GTF2IRD1: variants seen among roughly 807,000 people sequenced by gnomAD.
GTF2IRD1 encodes GTF2I repeat domain containing 1, also known as general transcription factor II-I repeat domain-containing protein 1.
In GTF2IRD1, 26 loss-of-function variants were observed where a neutral mutation model predicts 113.2. The ratio of observed to expected loss-of-function variants is 0.23; its 90% CI spans 0.17 to 0.32. The LOEUF (loss-of-function observed/expected upper bound fraction) is 0.32, where lower values mean the gene tolerates loss of function less well. Ranked by LOEUF, GTF2IRD1 falls within the 10% of genes least tolerant of loss-of-function variation. The probability of loss-of-function intolerance (pLI) is 1.00; values close to 1 mark genes in which losing one functional copy is unlikely to be tolerated. For missense variants in GTF2IRD1, 864 were observed against 1,280.8 expected, an observed-to-expected ratio of 0.67 and a Z score of 4.97; for synonymous variants, 484 against 529.1, an observed-to-expected ratio of 0.91 and a Z score of 1.17.
chr7:74,470,810 G>GT (rs1237011155), intron 1 of GTF2IRD1, among the ~76,000 whole-genome samples: 21 of 149,188 alleles, frequency 1.4e-4, no homozygotes, highest in South Asian at 4.3e-4. Flanking sequence ...CATATGTGGG[G>GT]TTTTTTTTTT....
intron 1 of GTF2IRD1, among the ~76,000 whole-genome samples, chr7:74,468,998 T>A (rs1554331697): frequency 6.7e-6 from 1 of 149,570 alleles, no homozygotes; most frequent in Non-Finnish European, 1.5e-5. Context: ...GGCAGGAGAA[T>A]GACGTGAACC....
At chr7:74,456,223 T>C (rs1424245543) in intron 1 of GTF2IRD1, among the ~76,000 whole-genome samples, 3 of 152,026 alleles carry the variant, frequency 2.0e-5, no homozygotes, top group African/African-American at 7.2e-5. Flanking sequence ...CCATCCACGG[T>C]TTGGTGACAG....
At chr7:74,569,247 C>T (rs587770687) in intron 22 of GTF2IRD1, among the ~76,000 whole-genome samples, 6 of 152,342 alleles carry the variant, frequency 3.9e-5, no homozygotes, top group South Asian at 2.1e-4. Context: ...CCTCCCATCC[C>T]GCACGTCCAC....
chr7:74,544,844 C>A lies in GTF2IRD1; in HGVS notation c.1666+42C>A, dbSNP rs782674982. The A allele has an allele frequency of 1.2e-5, 18 of 1,530,308 alleles. 1 individual carries two copies. The highest frequency in any genetic ancestry group is 6.8e-5 in the African/African-American group (5 of 73,386). 94.8% of individuals were successfully genotyped at this position (1,530,308 alleles called of 1,614,324 possible). A position where few individuals can be genotyped will look rare whatever the true frequency, so the allele number is the denominator to read the frequency against. On this transcript the variant is annotated intron_variant, in intron 15 of 26. Coordinates refer to ENST00000424337, the MANE Select transcript of GTF2IRD1 (RefSeq NM_005685.4). ...CCCTGACATTTTACACCCACCCCCA[C>A]CCCATCTCTCTTCCCCTGCCGCCCA...
intron 1 of GTF2IRD1, among the ~76,000 whole-genome samples, chr7:74,496,651 G>GGT (rs564432763): frequency 1.3e-5 from 2 of 149,768 alleles, no homozygotes; most frequent in South Asian, 4.2e-4. Flanking sequence ...TGTGCGTGTG[G>GGT]GTGTGTGTGT....
intron 1 of GTF2IRD1, among the ~76,000 whole-genome samples, chr7:74,500,967 G>A (rs560914970): frequency 6.6e-6 from 1 of 152,116 alleles, no homozygotes; most frequent in East Asian, 1.9e-4. Context: ...ATGTATGTAT[G>A]TATTTATTCT....
intron 2 of GTF2IRD1, among the ~76,000 whole-genome samples, chr7:74,509,289 G>A (rs2130043697): frequency 6.6e-6 from 1 of 152,138 alleles, no homozygotes; most frequent in African/African-American, 2.4e-5. Context: ...CCCTGGAAGT[G>A]GAGGTTGCAG....
At chr7:74,534,667 C>A (rs797042322) in intron 9 of GTF2IRD1, among the ~76,000 whole-genome samples, 2 of 151,978 alleles carry the variant, frequency 1.3e-5, no homozygotes, top group East Asian at 3.9e-4. Context: ...CTGCTGAGAT[C>A]GCGCCACTGC....
chr7:74,576,916 C>T (rs782064394), intron 22 of GTF2IRD1, among the ~76,000 whole-genome samples: 9 of 151,960 alleles, frequency 5.9e-5, no homozygotes, highest in Non-Finnish European at 7.4e-5. Context: ...CCACTGAGCA[C>T]GGCCCCCTGT....
intron 1 of GTF2IRD1, among the ~76,000 whole-genome samples, chr7:74,472,137 C>T (rs1326771358): frequency 4.6e-5 from 7 of 152,208 alleles, no homozygotes; most frequent in African/African-American, 1.7e-4. Flanking sequence ...ACTTGGAGTT[C>T]ACCATCTCAT....
chr7:74,591,373 TC>T (rs1442399547), intron 24 of GTF2IRD1, among the ~76,000 whole-genome samples: 4 of 147,236 alleles, frequency 2.7e-5, no homozygotes, highest in Non-Finnish European at 3.0e-5. Flanking sequence ...TCAGTGATTC[TC>T]TTTTTTTTTT....
intron 14 of GTF2IRD1, among the ~76,000 whole-genome samples, chr7:74,541,134 C>A (rs182596598): frequency 1.3e-5 from 2 of 152,056 alleles, no homozygotes; most frequent in African/African-American, 4.8e-5. Flanking sequence ...AAGCAGTGGA[C>A]CAAACAGGTG....
At chr7:74,496,580 ATGTG>A (rs1195485544) in intron 1 of GTF2IRD1, among the ~76,000 whole-genome samples, 4 of 93,378 alleles carry the variant, frequency 4.3e-5, no homozygotes, top group African/African-American at 1.3e-4. Flanking sequence ...GTGGGTGTGC[ATGTG>A]TGTGGGTGGG....
At chr7:74,531,263 C>T (rs1002949324) in intron 9 of GTF2IRD1, among the ~76,000 whole-genome samples, 1 of 150,854 alleles carries the variant, frequency 6.6e-6, no homozygotes, top group Non-Finnish European at 1.5e-5. Flanking sequence ...CCCAGCTACT[C>T]GGGAGGCTGA....
chr7:74,515,742 C>G, intron 4 of GTF2IRD1, 146 bp downstream of exon 4: 1 of 657,682 alleles, frequency 1.5e-6, no homozygotes, highest in Non-Finnish European at 2.6e-6. Flanking sequence ...TACCCCAGCC[C>G]TTCCTCATCT....
At chr7:74,559,881 G>T (rs1554358557) in intron 22 of GTF2IRD1, among the ~76,000 whole-genome samples, 1 of 152,014 alleles carries the variant, frequency 6.6e-6, no homozygotes, top group African/African-American at 2.4e-5. Context: ...CTGGATTCAA[G>T]CAATTCTCCT....
At chr7:74,454,839 G>C (rs1792858665) in intron 1 of GTF2IRD1, among the ~76,000 whole-genome samples, 1 of 152,160 alleles carries the variant, frequency 6.6e-6, no homozygotes, top group Admixed American at 6.5e-5. Context: ...GTCTGTGGGT[G>C]GTCTCTGAGT....
chr7:74,597,321 C>T (rs1414272255), intron 25 of GTF2IRD1, among the ~76,000 whole-genome samples: 20 of 150,156 alleles, frequency 1.3e-4, no homozygotes, highest in Non-Finnish European at 2.7e-4. Flanking sequence ...GGATTACAGG[C>T]GTAAGCCACT....
chr7:74,469,517 G>A (rs78153842), intron 1 of GTF2IRD1, among the ~76,000 whole-genome samples: 1 of 152,010 alleles, frequency 6.6e-6, no homozygotes, highest in African/African-American at 2.4e-5. Context: ...CTTGTAGATG[G>A]AATCATGTAA....
Sources: allele counts gnomAD v4.1 joint callset (sites outside exome capture counted in the v4.1 genomes callset), GRCh38; gene constraint gnomAD v4.1.1; transcripts MANE v1.5; gene names NCBI Gene and HGNC (gene_info 2026-07-23, HGNC 2026-07-21).